STXBP6: variants seen among roughly 807,000 people sequenced by gnomAD.
The protein encoded by STXBP6 is syntaxin binding protein 6.
STXBP6 carries 21 observed loss-of-function variants against 26.9 expected under a neutral mutation model. The ratio of observed to expected loss-of-function variants is 0.78; its 90% CI spans 0.55 to 1.12. The LOEUF is 1.12. STXBP6 is among the 50% of genes most tolerant of loss of function. STXBP6 has a pLI of 0.00. For synonymous variants in STXBP6, 97 were observed against 92.6 expected (o/e 1.05, Z -0.27); for missense variants, 232 against 257.9 (o/e 0.90, Z 0.69).
At chr14:25,000,411 T>C (rs2074730560) in intron 1 of STXBP6, among the ~76,000 whole-genome samples, 1 of 151,310 alleles carries the variant, frequency 6.6e-6, no homozygotes, top group African/African-American at 2.4e-5. Flanking sequence ...TGGCAGTTTA[T>C]AGTCTATGAT....
chr14:24,922,206 A>G (rs1169512429), intron 2 of STXBP6, among the ~76,000 whole-genome samples: 2 of 152,052 alleles, frequency 1.3e-5, no homozygotes, highest in African/African-American at 4.8e-5. Flanking sequence ...TTGATGAAAA[A>G]TTAGCAAAGA....
chr14:24,831,597 T>C lies in STXBP6; in HGVS notation c.452-12403A>G, dbSNP rs956444995. On this transcript the variant is annotated intron_variant, in intron 4 of 5. Coordinates refer to ENST00000323944, the MANE Select transcript of STXBP6 (RefSeq NM_001394410.1). ...TAATATGTTAAGTTGTTTGAACCTC[T>C]AGGAGTAAGGAATGAGGTATGAGGC... Among the ~76,000 whole-genome samples the C allele has an allele frequency of 5.3e-5, 8 of 152,304 alleles. 2 individuals carry two copies. Among genetic ancestry groups the C allele is most frequent in the Admixed American group, 3.9e-4 (6 of 15,294 alleles).
At chr14:25,014,366 G>C (rs2075100216) in intron 1 of STXBP6, among the ~76,000 whole-genome samples, 1 of 152,150 alleles carries the variant, frequency 6.6e-6, no homozygotes, top group Non-Finnish European at 1.5e-5. Context: ...TCAGGAGACT[G>C]AGGCAGGAGA....
chr14:25,017,770 C>G (rs1386231492), intron 1 of STXBP6, among the ~76,000 whole-genome samples: 1 of 152,178 alleles, frequency 6.6e-6, no homozygotes, highest in Non-Finnish European at 1.5e-5. Flanking sequence ...ATCTGGAGCC[C>G]TGAGGACTTA....
intron 1 of STXBP6, among the ~76,000 whole-genome samples, chr14:25,019,291 G>A (rs1457395370): frequency 2.6e-5 from 4 of 152,190 alleles, no homozygotes; most frequent in Non-Finnish European, 4.4e-5. Flanking sequence ...AAAGGAACTT[G>A]TGGATTGTTA....
intron 2 of STXBP6, among the ~76,000 whole-genome samples, chr14:24,867,890 A>G (rs965029686): frequency 9.9e-5 from 15 of 152,212 alleles, no homozygotes; most frequent in Non-Finnish European, 2.2e-4. Context: ...ACATATTTGC[A>G]AATCATATCT....
chr14:24,810,642 A>G lies in STXBP6; in HGVS notation c.*2067T>C, dbSNP rs1476518578. The G allele has an allele frequency of 6.6e-6, 1 of 152,220 alleles. No individual in the cohort carries two copies. Among genetic ancestry groups the G allele is most frequent in the Non-Finnish European group, 1.5e-5 (1 of 68,046 alleles). The allele number at this position is 152,220 out of a possible 1,614,324, so 9.4% of individuals were successfully genotyped here. On this transcript the variant is annotated 3_prime_UTR_variant, in exon 6 of 6. Coordinates refer to ENST00000323944, the MANE Select transcript of STXBP6 (RefSeq NM_001394410.1). ...ATATTTATCAAGAGTAACTATTGTA[A>G]TTCTACCAGGGAAGAAGAATCTTGG...
At chr14:24,989,353 G>A (rs1486261793) in intron 1 of STXBP6, among the ~76,000 whole-genome samples, 2 of 152,178 alleles carry the variant, frequency 1.3e-5, no homozygotes, top group African/African-American at 2.4e-5. Context: ...GAAAGGTAAA[G>A]CACAGTTTAA....
intron 2 of STXBP6, among the ~76,000 whole-genome samples, chr14:24,906,810 G>A (rs547904600): frequency 2.6e-5 from 4 of 152,126 alleles, no homozygotes; most frequent in Non-Finnish European, 2.9e-5. Flanking sequence ...TCAAGGAGAT[G>A]AGTTGTCTAC....
chr14:24,834,193 C>T (rs1186165275), intron 4 of STXBP6, among the ~76,000 whole-genome samples: 2 of 152,034 alleles, frequency 1.3e-5, no homozygotes, highest in Non-Finnish European at 2.9e-5. Flanking sequence ...CGAGGTCTTG[C>T]TATGTTGCCC....
rs377522508 is a variant in STXBP6, at chr14:25,012,535, G to A, written c.-33+37343C>T. Among the ~76,000 whole-genome samples, 48 of 152,274 alleles carry A rather than the reference G, an allele frequency of 3.2e-4. 1 individual carries two copies. The highest frequency in any genetic ancestry group is 1.1e-3 in the African/African-American group (47 of 41,556). On this transcript the variant is annotated intron_variant, in intron 1 of 5. Coordinates refer to ENST00000323944, the MANE Select transcript of STXBP6 (RefSeq NM_001394410.1). ...CAATCACTTGAACCCAGGAGGTGGA[G>A]GTTGCAGTGAGCTGAGATTGCACCA...
At chr14:24,824,337 T>C (rs1301189667) in intron 4 of STXBP6, among the ~76,000 whole-genome samples, 1 of 152,204 alleles carries the variant, frequency 6.6e-6, no homozygotes, top group East Asian at 1.9e-4. Context: ...AGTTGCATGA[T>C]AATCATGATG....
intron 1 of STXBP6, among the ~76,000 whole-genome samples, chr14:25,003,161 A>AG (rs892809557): frequency 6.6e-6 from 1 of 152,220 alleles, no homozygotes; most frequent in Non-Finnish European, 1.5e-5. Context: ...AGCTCTGGCC[A>AG]GTTTCTTTCT....
intron 4 of STXBP6, among the ~76,000 whole-genome samples, chr14:24,830,892 A>G (rs1594924022): frequency 1.3e-5 from 2 of 152,224 alleles, no homozygotes; most frequent in African/African-American, 4.8e-5. Flanking sequence ...ATTTGGCACA[A>G]TGGAAGTTAA....
chr14:24,992,237 T>C (rs2074492588), intron 1 of STXBP6, among the ~76,000 whole-genome samples: 1 of 152,174 alleles, frequency 6.6e-6, no homozygotes, highest in Non-Finnish European at 1.5e-5. Flanking sequence ...CTTTTAAAGG[T>C]ACTACTTAGT....
chr14:25,049,704 C>G lies in STXBP6; in HGVS notation c.-33+174G>C. ...TGCGCCGGGGCGCGCGGCCCCCTCTCCCGCCACCCGCCAACTTGGAAGAAT... is the reference window on the plus strand; with the variant it reads ...TGCGCCGGGGCGCGCGGCCCCCTCTGCCGCCACCCGCCAACTTGGAAGAAT... On this transcript the variant is annotated intron_variant, in intron 1 of 5. Coordinates refer to ENST00000323944, the MANE Select transcript of STXBP6 (RefSeq NM_001394410.1). This position sits in a 1 kb window ranked among gnomAD's most constrained non-coding sequence, Gnocchi z 5.6. The G allele has an allele frequency of 1.0e-6, 1 of 985,690 alleles. No individual in the cohort carries two copies. Among genetic ancestry groups the G allele is most frequent in the Non-Finnish European group, 1.2e-6 (1 of 830,184 alleles). 61.1% of individuals were successfully genotyped at this position (985,690 alleles called of 1,614,324 possible).
intron 2 of STXBP6, among the ~76,000 whole-genome samples, chr14:24,921,417 A>G (rs755032464): frequency 1.1e-4 from 17 of 152,120 alleles, no homozygotes; most frequent in Non-Finnish European, 2.2e-4. Flanking sequence ...ATTTTACTAA[A>G]ACTTTCCAAT....
chr14:24,977,194 C>T (rs996506079), intron 1 of STXBP6, among the ~76,000 whole-genome samples: 1 of 151,984 alleles, frequency 6.6e-6, no homozygotes, highest in African/African-American at 2.4e-5. Context: ...AGTGCCTTCC[C>T]AGCTGTCATG....
At chr14:24,936,656 G>A (rs1443379341) in intron 2 of STXBP6, among the ~76,000 whole-genome samples, 2 of 152,146 alleles carry the variant, frequency 1.3e-5, no homozygotes, top group Non-Finnish European at 2.9e-5. Flanking sequence ...CTTCCACAAT[G>A]GTTGAACTAA....
Sources: allele counts gnomAD v4.1 joint callset (sites outside exome capture counted in the v4.1 genomes callset), GRCh38; gene constraint gnomAD v4.1.1; non-coding constraint Gnocchi (gnomAD v3.1); transcripts MANE v1.5; gene names NCBI Gene and HGNC (gene_info 2026-07-23, HGNC 2026-07-21).